PARD3: variants seen among roughly 807,000 people sequenced by gnomAD.
PARD3 encodes partitioning defective 3 homolog.
PARD3 carries 75 observed loss-of-function variants against 155.4 expected under a neutral mutation model. That is an observed-to-expected ratio of 0.48 (90% CI 0.40 to 0.58). The LOEUF (loss-of-function observed/expected upper bound fraction) is 0.58. PARD3 is among the 20% of genes least tolerant of loss of function. The pLI is 0.00. For missense variants in PARD3, 1,642 were observed against 1,721.7 expected, an observed-to-expected ratio of 0.95 and a Z score of 0.82; for synonymous variants, 576 against 610.5, an observed-to-expected ratio of 0.94 and a Z score of 0.83.
intron 1 of PARD3, among the ~76,000 whole-genome samples, chr10:34,764,658 T>TA (rs796522825): frequency 0.027 from 3,901 of 146,082 alleles, 160 homozygotes; most frequent in African/African-American, 0.09. Flanking sequence ...GAAACATTAC[T>TA]AAAAAAAAAA....
Position 34,269,790 on chromosome 10 carries a change from C to T in PARD3, c.3286G>A (p.Gly1096Arg), listed in dbSNP as rs1955523927. ...GAACCTTCATAAGAAGAAACTCCCC[C>T]ATACATTAACTCATCATCACAGCCA... ...TFGCDDELMY[G>R]GVSSYEGSMA... The change falls in exon 22 of 25, where the codon GGG (glycine) becomes AGG (arginine). Residue 1096 changes from glycine (G) to arginine (R), a missense_variant. Physicochemically the swap from Gly to Arg is moderately radical, Grantham distance 125. Transcript: ENST00000374788. The T allele has an allele frequency of 6.2e-7, 1 of 1,613,902 alleles. No individual in the cohort carries two copies. The highest frequency in any genetic ancestry group is 1.1e-5 in the South Asian group (1 of 91,072).
chr10:34,385,007 C>T (rs1842205985), intron 7 of PARD3, among the ~76,000 whole-genome samples: 1 of 152,224 alleles, frequency 6.6e-6, no homozygotes, highest in Non-Finnish European at 1.5e-5. Context: ...CTCTAGAACA[C>T]TAACTTCATA....
intron 13 of PARD3, 24 bp from the exon 14 acceptor site, chr10:34,359,341 A>C (rs1456541657): frequency 1.3e-6 from 2 of 1,586,552 alleles, no homozygotes; most frequent in Middle Eastern, 3.3e-4. Flanking sequence ...AGGTAAAAAT[A>C]AGTGCTATTA....
chr10:34,150,053 T>A (rs1474630687), intron 22 of PARD3, among the ~76,000 whole-genome samples: 1 of 152,204 alleles, frequency 6.6e-6, no homozygotes, highest in African/African-American at 2.4e-5. Flanking sequence ...CAATGACCAA[T>A]TTGTTAAGTA....
intron 3 of PARD3, among the ~76,000 whole-genome samples, chr10:34,502,447 C>T (rs1236511639): frequency 7.1e-6 from 1 of 141,762 alleles, no homozygotes; most frequent in African/African-American, 2.6e-5. Context: ...CACTGCCAAC[C>T]CTGGATTTCA....
chr10:34,701,975 C>T (rs2094288114), intron 1 of PARD3, among the ~76,000 whole-genome samples: 1 of 151,990 alleles, frequency 6.6e-6, no homozygotes, highest in Non-Finnish European at 1.5e-5. Context: ...CCAGCCTGGC[C>T]AACATGGTGA....
At chr10:34,455,957 G>A (rs2077315596) in intron 4 of PARD3, among the ~76,000 whole-genome samples, 2 of 152,072 alleles carry the variant, frequency 1.3e-5, no homozygotes, top group Admixed American at 6.6e-5. Context: ...AATCAGCACT[G>A]GTACATGTAT....
chr10:34,437,925 T>TA (rs2076270193), intron 5 of PARD3, among the ~76,000 whole-genome samples: 1 of 152,202 alleles, frequency 6.6e-6, no homozygotes, highest in African/African-American at 2.4e-5. Flanking sequence ...TTAGAGCTAA[T>TA]AGAGTTGACA....
At chr10:34,217,853 T>C (rs778152421) in intron 22 of PARD3, among the ~76,000 whole-genome samples, 4 of 151,782 alleles carry the variant, frequency 2.6e-5, no homozygotes, top group Non-Finnish European at 4.4e-5. Flanking sequence ...AAGAGGGAGG[T>C]AGACACCAAA....
At chr10:34,684,818 C>CAT (rs2093919143) in intron 2 of PARD3, among the ~76,000 whole-genome samples, 3 of 117,776 alleles carry the variant, frequency 2.5e-5, no homozygotes, top group Admixed American at 1.6e-4. Context: ...CACACACACA[C>CAT]ACACACACAC....
intron 8 of PARD3, among the ~76,000 whole-genome samples, chr10:34,383,764 A>C (rs1314632150): frequency 1.3e-5 from 2 of 152,226 alleles, no homozygotes; most frequent in African/African-American, 2.4e-5. Flanking sequence ...AAGCAGATAC[A>C]AACAGCTTTA....
intron 1 of PARD3, among the ~76,000 whole-genome samples, chr10:34,765,319 A>C (rs1205691052): frequency 6.6e-6 from 1 of 152,212 alleles, no homozygotes; most frequent in Non-Finnish European, 1.5e-5. Flanking sequence ...CCCCCAGCTC[A>C]GGAGAAAGAA....
intron 2 of PARD3, among the ~76,000 whole-genome samples, chr10:34,602,748 C>T (rs1021873634): frequency 1.3e-5 from 2 of 152,136 alleles, no homozygotes; most frequent in African/African-American, 4.8e-5. Context: ...CACAGGCGAG[C>T]CTTCTGGATA....
At chr10:34,695,832 C>T (rs2094160526) in intron 2 of PARD3, among the ~76,000 whole-genome samples, 1 of 151,754 alleles carries the variant, frequency 6.6e-6, no homozygotes, top group African/African-American at 2.4e-5. Context: ...AGGGCCAGGC[C>T]CTGCACAGGG....
intron 2 of PARD3, among the ~76,000 whole-genome samples, chr10:34,560,317 A>C (rs760153077): frequency 1.3e-5 from 2 of 152,192 alleles, no homozygotes; most frequent in Non-Finnish European, 2.9e-5. Context: ...TCTCAAACCC[A>C]AAACAGCTGT....
intron 8 of PARD3, among the ~76,000 whole-genome samples, chr10:34,383,684 GTGTATCTGAATACAACCCAATAT>G (rs376266245): frequency 0.067 from 10,221 of 152,176 alleles, 465 homozygotes; most frequent in Non-Finnish European, 0.096. Context: ...TCAAGATAAA[GTGTATCTGAATACAACCCAATAT>G]TGTATCTGAA....
chr10:34,328,434 T>C (rs967317337), intron 19 of PARD3, among the ~76,000 whole-genome samples: 2 of 152,216 alleles, frequency 1.3e-5, no homozygotes, highest in Admixed American at 6.5e-5. Flanking sequence ...TCGGAAACCA[T>C]CTAAACCATC....
chr10:34,697,453 G>A (rs1011284152), intron 1 of PARD3, among the ~76,000 whole-genome samples: 1 of 152,182 alleles, frequency 6.6e-6, no homozygotes, highest in Non-Finnish European at 1.5e-5. Context: ...CCCTGTTCCA[G>A]ATCTACTGAC....
intron 22 of PARD3, among the ~76,000 whole-genome samples, chr10:34,143,834 G>A (rs1948325328): frequency 6.6e-6 from 1 of 152,064 alleles, no homozygotes; most frequent in Non-Finnish European, 1.5e-5. Flanking sequence ...CATTAATGAA[G>A]AGTTTGTATT....
Sources: allele counts gnomAD v4.1 joint callset (sites outside exome capture counted in the v4.1 genomes callset), GRCh38; gene constraint gnomAD v4.1.1; transcripts MANE v1.5; gene names NCBI Gene and HGNC (gene_info 2026-07-23, HGNC 2026-07-21).